Variants in FMR1NB observed in about 807,000 individuals in gnomAD.
The protein encoded by FMR1NB is FMR1 neighbor, also known as FMR1 neighbor protein.
A neutral mutation model predicts 16.8 loss-of-function variants in FMR1NB; 10 were observed. The ratio of observed to expected loss-of-function variants is 0.60; its 90% confidence interval spans 0.37 to 1.01. The LOEUF is 1.01. Among genes scored for constraint, FMR1NB ranks in the 50% least tolerant of loss-of-function variants. FMR1NB has a pLI of 0.01. For synonymous variants in FMR1NB, 83 were observed against 79.1 expected, an observed-to-expected ratio of 1.05 and a Z score of -0.26; for missense variants, 205 against 204.8, an observed-to-expected ratio of 1.00 and a Z score of 0.00.
At chrX:147,994,428 T>G (rs1557187995) in intron 1 of FMR1NB, among the ~76,000 whole-genome samples, 1 of 112,654 alleles carries the variant, frequency 8.9e-6, no homozygotes, top group East Asian at 2.8e-4. Context: ...GAAAAAATGT[T>G]AAGATATTTT....
At chrX:147,983,846 G>C (rs1320120272) in intron 1 of FMR1NB, among the ~76,000 whole-genome samples, 1 of 111,838 alleles carries the variant, frequency 8.9e-6, no homozygotes, top group Non-Finnish European at 1.9e-5. Context: ...TTGCTTCTAA[G>C]AGTTTTACGG....
chrX:147,995,243 A>G (rs1310548960), intron 1 of FMR1NB, among the ~76,000 whole-genome samples: 1 of 112,290 alleles, frequency 8.9e-6, no homozygotes, highest in African/African-American at 3.2e-5. Context: ...TGTTGTTACA[A>G]CAGCCCTAGG....
At chrX:147,997,367 C>T (rs1557188254) in intron 1 of FMR1NB, among the ~76,000 whole-genome samples, 1 of 111,860 alleles carries the variant, frequency 8.9e-6, no homozygotes, top group Non-Finnish European at 1.9e-5. Flanking sequence ...AAAGGATTTC[C>T]TATTTAATAA....
chrX:147,982,959 A>G (rs1009447784), intron 1 of FMR1NB, among the ~76,000 whole-genome samples: 3 of 112,253 alleles, frequency 2.7e-5, no homozygotes, highest in Admixed American at 9.4e-5. Flanking sequence ...ATAGTGAACA[A>G]TTAAAGGGAT....
At chrX:148,023,042 G>A (rs1432408908) in intron 4 of FMR1NB, among the ~76,000 whole-genome samples, 2 of 111,350 alleles carry the variant, frequency 1.8e-5, no homozygotes, top group Non-Finnish European at 3.8e-5. Context: ...TTAATTCTTA[G>A]AGTGAATATT....
chrX:148,000,885 AAG>A (rs1479942513), intron 1 of FMR1NB, among the ~76,000 whole-genome samples: 1 of 111,995 alleles, frequency 8.9e-6, no homozygotes, highest in Non-Finnish European at 1.9e-5. Flanking sequence ...AATACAGTGA[AAG>A]AAGAAAAATA....
At chrX:147,981,763 G>C (rs1028827560) in intron 1 of FMR1NB, 84 bp downstream of exon 1, 2 of 1,003,380 alleles carry the variant, frequency 2.0e-6, no homozygotes, top group African/African-American at 1.9e-5. Context: ...GCAACACACC[G>C]GCACCAACCA....
At chrX:148,012,843 C>T (rs782517099) in intron 4 of FMR1NB, among the ~76,000 whole-genome samples, 1 of 112,013 alleles carries the variant, frequency 8.9e-6, no homozygotes, top group South Asian at 3.7e-4. Context: ...TTTTCAATTT[C>T]CCATGTTTGC....
intron 4 of FMR1NB, among the ~76,000 whole-genome samples, chrX:148,009,483 C>T (rs781868876): frequency 9.1e-6 from 1 of 109,700 alleles, no homozygotes; most frequent in South Asian, 3.9e-4. Flanking sequence ...ATACAAAATG[C>T]CAATGGACTA....
In FMR1NB at chrX:147,983,653, T is replaced by G. The variant is rs191401027; in HGVS notation, c.277+1974T>G. Among the ~76,000 whole-genome samples, 181 of 112,480 alleles carry G rather than the reference T, an allele frequency of 1.6e-3. 1 individual carries two copies. The highest frequency in any genetic ancestry group is 5.6e-3 in the Admixed American group (59 of 10,619). ...CTGGATCCTTATCAGATACCTGATTTGCAAATGTTTCCTCCCATTCTGTGG... is the reference window on the plus strand; with the variant it reads ...CTGGATCCTTATCAGATACCTGATTGGCAAATGTTTCCTCCCATTCTGTGG... On this transcript the variant is annotated intron_variant, in intron 1 of 5. Transcript: ENST00000370467.
At chrX:148,009,636 A>G (rs1603082899) in intron 4 of FMR1NB, among the ~76,000 whole-genome samples, 1 of 109,778 alleles carries the variant, frequency 9.1e-6, no homozygotes, top group East Asian at 2.9e-4. Flanking sequence ...GGAAGCACTC[A>G]CTCTCAGGTT....
rs1275265170 is a variant in FMR1NB, at chrX:148,026,610, T to C, written c.*122T>C. ...AAAGTTAAAAATTGATTCTTATTTT[T>C]GTCATGTTTACTTTCAAACATGAAA... On this transcript the variant is annotated 3_prime_UTR_variant, in exon 6 of 6. Coordinates refer to ENST00000370467, the MANE Select transcript of FMR1NB (RefSeq NM_152578.3). The C allele has an allele frequency of 1.8e-5, 2 of 111,951 alleles. No individual in the cohort carries two copies. Among genetic ancestry groups the C allele is most frequent in the Non-Finnish European group, 3.8e-5 (2 of 53,151 alleles). The allele number at this position is 111,951 out of a possible 1,213,427, so 9.2% of individuals were successfully genotyped here. A position where few individuals can be genotyped will look rare whatever the true frequency, so the allele number is the denominator to read the frequency against.
intron 1 of FMR1NB, among the ~76,000 whole-genome samples, chrX:147,999,152 G>A (rs2044558400): frequency 9.0e-6 from 1 of 111,643 alleles, no homozygotes; most frequent in Non-Finnish European, 1.9e-5. Context: ...CTGGAGGCTA[G>A]GGCACTCTGA....
intron 4 of FMR1NB, 95 bp downstream of exon 4, chrX:148,008,806 T>G (rs1425461282): frequency 1.2e-5 from 9 of 767,605 alleles, no homozygotes; most frequent in South Asian, 2.8e-5. Context: ...AATACAGGGA[T>G]TATGTTTGGG....
intron 1 of FMR1NB, among the ~76,000 whole-genome samples, chrX:147,993,723 T>A (rs1393919884): frequency 9.1e-6 from 1 of 109,366 alleles, no homozygotes; most frequent in Non-Finnish European, 1.9e-5. Flanking sequence ...TTATTTACCC[T>A]CCTCCAGGCC....
intron 1 of FMR1NB, among the ~76,000 whole-genome samples, chrX:147,998,753 A>G (rs1184001386): frequency 1.8e-5 from 2 of 112,511 alleles, no homozygotes; most frequent in African/African-American, 6.5e-5. Context: ...ATATTCATCT[A>G]TGTTCCACCT....
At chrX:147,988,808 A>G (rs2044489559) in intron 1 of FMR1NB, among the ~76,000 whole-genome samples, 1 of 111,001 alleles carries the variant, frequency 9.0e-6, no homozygotes. Flanking sequence ...GGCTATTGAT[A>G]CTTGTGTATG....
intron 1 of FMR1NB, among the ~76,000 whole-genome samples, chrX:147,982,395 C>T (rs2044453455): frequency 9.1e-6 from 1 of 109,657 alleles, no homozygotes; most frequent in Admixed American, 9.6e-5. Flanking sequence ...CAAGACTAGC[C>T]TGGGCAACAA....
Position 148,025,085 on chromosome X carries a change from A to G in FMR1NB, c.*13+72A>G, listed in dbSNP as rs1240302804. The stretch of plus-strand genomic sequence containing the variant: ...TTGTTAGCTTTATATTTCTACCATC[A>G]TCTTGGCTTGACTGACACATTTTTT... On this transcript the variant is annotated intron_variant, in intron 5 of 5. Transcript: ENST00000370467. 3 of 1,086,453 alleles carry G rather than the reference A, an allele frequency of 2.8e-6. No homozygotes were observed. The African/African-American group carries it at 5.6e-5, about 20-fold the overall frequency. The allele number at this position is 1,086,453 out of a possible 1,213,427, so 89.5% of individuals were successfully genotyped here.
Sources: allele counts gnomAD v4.1 joint callset (sites outside exome capture counted in the v4.1 genomes callset), GRCh38; gene constraint gnomAD v4.1.1; transcripts MANE v1.5; gene names NCBI Gene and HGNC (gene_info 2026-07-23, HGNC 2026-07-21).